The following KIFC3 variants were observed in gnomAD, a reference collection of about 807,000 sequenced individuals.
KIFC3 encodes kinesin-like protein KIFC3.
KIFC3 carries 60 observed loss-of-function variants against 101.8 expected under a neutral mutation model. That is an observed-to-expected ratio of 0.59 (90% CI 0.48 to 0.73). KIFC3 has a LOEUF of 0.73. KIFC3 is among the 30% of genes least tolerant of loss of function. The probability of loss-of-function intolerance (pLI) is 0.00; values close to 1 mark genes in which losing one functional copy is unlikely to be tolerated. For synonymous variants in KIFC3, 476 were observed against 482.7 expected, an observed-to-expected ratio of 0.99 and a Z score of 0.18; for missense variants, 966 against 1,137.1, an observed-to-expected ratio of 0.85 and a Z score of 2.16.
intron 1 of KIFC3, among the ~76,000 whole-genome samples, chr16:57,832,404 A>G (rs533208249): frequency 1.4e-5 from 2 of 142,156 alleles, no homozygotes; most frequent in Non-Finnish European, 3.0e-5. Flanking sequence ...GCTCACTGCA[A>G]TCTCTACCTC....
At chr16:57,841,493 C>G (rs572916323) in intron 1 of KIFC3, among the ~76,000 whole-genome samples, 1 of 152,232 alleles carries the variant, frequency 6.6e-6, no homozygotes, top group Non-Finnish European at 1.5e-5. Context: ...TGGTGAAACC[C>G]CATCTCCATT....
chr16:57,762,120 G>T lies in KIFC3; in HGVS notation c.1748+20C>A. The T allele has an allele frequency of 6.4e-7, 1 of 1,573,788 alleles. No homozygotes were observed. On this transcript the variant is annotated intron_variant, in intron 13 of 19. Transcript: ENST00000445690. ...CAAAGCTGCCCCTGAGGCCTGCTCC[G>T]CACACCCTGGGGCTCCCACCTGAGG...
chr16:57,848,140 G>A (rs1433939770), intron 1 of KIFC3, among the ~76,000 whole-genome samples: 1 of 152,208 alleles, frequency 6.6e-6, no homozygotes, highest in Non-Finnish European at 1.5e-5. Flanking sequence ...TAAATACTTT[G>A]TAAAGAAGCC....
chr16:57,773,511 G>GAGTGCACC (rs782251928), intron 3 of KIFC3, among the ~76,000 whole-genome samples: 8 of 152,078 alleles, frequency 5.3e-5, no homozygotes, highest in Non-Finnish European at 1.0e-4. Flanking sequence ...AAACTCAGCC[G>GAGTGCACC]AGTGCACCAG....
chr16:57,762,106 C>T, intron 13 of KIFC3, 34 bp downstream of exon 13: 1 of 1,554,568 alleles, frequency 6.4e-7, no homozygotes, highest in Non-Finnish European at 8.7e-7. Flanking sequence ...AAAGCTGCCC[C>T]TGAGGCCTGC....
In KIFC3 at chr16:57,767,861, A is replaced by C. The variant is rs556908911; in HGVS notation, c.1219-876T>G. On this transcript the variant is annotated intron_variant, in intron 9 of 19. Transcript: ENST00000445690. Reference sequence around the variant, plus strand: ...CTAGTTTTTTTATATTTTTTTGTAGAGATGGGGTCCCACTATGTTGCCGAA... The same window carrying C: ...CTAGTTTTTTTATATTTTTTTGTAGCGATGGGGTCCCACTATGTTGCCGAA... 1.6e-4 allele frequency among the ~76,000 whole-genome samples: 24 copies of C among 152,128 alleles called. No individual in the cohort carries two copies. The South Asian group carries it at 4.8e-3, about 30-fold the overall frequency.
At chr16:57,819,414 TG>T (rs782609761) in intron 1 of KIFC3, among the ~76,000 whole-genome samples, 9 of 152,138 alleles carry the variant, frequency 5.9e-5, no homozygotes, top group Non-Finnish European at 1.0e-4. Context: ...GTACATGACT[TG>T]GCGCAAGCAG....
intron 2 of KIFC3, among the ~76,000 whole-genome samples, chr16:57,796,236 G>A (rs899022505): frequency 4.6e-5 from 7 of 152,134 alleles, no homozygotes; most frequent in Non-Finnish European, 7.4e-5. Flanking sequence ...CAATAAAATG[G>A]GGACAACTTC....
chr16:57,772,491 C>A, intron 3 of KIFC3: 1 of 524,756 alleles, frequency 1.9e-6, no homozygotes, highest in Non-Finnish European at 3.5e-6. Flanking sequence ...CAGCCTCCCG[C>A]ACCCTCTCCC....
At chr16:57,822,333 A>AG (rs2055366033) in intron 1 of KIFC3, among the ~76,000 whole-genome samples, 1 of 152,342 alleles carries the variant, frequency 6.6e-6, no homozygotes, top group Non-Finnish European at 1.5e-5. Context: ...GGAACACAGT[A>AG]GCTGCTCAAT....
intron 17 of KIFC3, 53 bp downstream of exon 17, chr16:57,760,229 C>T (rs1555594710): frequency 6.3e-7 from 1 of 1,575,344 alleles, no homozygotes; most frequent in Non-Finnish European, 8.6e-7. Context: ...CTGCCATGAC[C>T]CAAAGTCTCT....
intron 2 of KIFC3, among the ~76,000 whole-genome samples, chr16:57,796,171 G>A (rs1463540777): frequency 2.6e-5 from 4 of 152,164 alleles, no homozygotes; most frequent in African/African-American, 9.7e-5. Context: ...AGGATTACAG[G>A]CGTGAGCCAC....
chr16:57,770,751 AC>A, intron 6 of KIFC3, 51 bp from the exon 7 acceptor site: 1 of 1,360,142 alleles, frequency 7.4e-7, no homozygotes, highest in Non-Finnish European at 9.6e-7. Flanking sequence ...ACCGTACCTC[AC>A]CCAAGAGCCT....
At chr16:57,828,349 A>G (rs1265944932) in intron 1 of KIFC3, among the ~76,000 whole-genome samples, 2 of 152,250 alleles carry the variant, frequency 1.3e-5, no homozygotes, top group Non-Finnish European at 2.9e-5. Context: ...GACTCGGCCC[A>G]AGGCTGTGCC....
At chr16:57,840,076 AC>A (rs2055772348) in intron 1 of KIFC3, among the ~76,000 whole-genome samples, 1 of 152,012 alleles carries the variant, frequency 6.6e-6, no homozygotes, top group Non-Finnish European at 1.5e-5. Flanking sequence ...GGTGGCTCAC[AC>A]CTATAATCCC....
chr16:57,798,154 C>CGGCTCG lies in KIFC3; in HGVS notation c.84_89dup (p.Glu29_Pro30dup). 6 of 1,546,082 alleles carry CGGCTCG rather than the reference C, an allele frequency of 3.9e-6. No individual in the cohort carries two copies. Among genetic ancestry groups the CGGCTCG allele is most frequent in the Non-Finnish European group, 5.2e-6 (6 of 1,145,858 alleles). On this transcript the variant is annotated inframe_insertion, in exon 2 of 20. Transcript: ENST00000445690. ...GGGCTGGGGCGGGGCGAGCCATCCC[C>CGGCTCG]GGCTCGGGCTCCGGGGCCCGGCCCA... is the stretch of plus-strand genomic sequence containing the variant.
In KIFC3 at chr16:57,761,398, C is replaced by G; in HGVS notation, c.1872+15G>C. The G allele has an allele frequency of 6.2e-7, 1 of 1,613,882 alleles. No individual in the cohort carries two copies. The highest frequency in any genetic ancestry group is 8.5e-7 in the Non-Finnish European group (1 of 1,179,866). On this transcript the variant is annotated intron_variant, in intron 14 of 19. Transcript: ENST00000445690. ...AGAGCAGTGTGGCTGTGGTCAGGGG[C>G]TCCCGCCTCCACACCTTGTTGATGT... is the stretch of plus-strand genomic sequence containing the variant.
At chr16:57,797,861 TCTC>T (rs2054463773) in intron 2 of KIFC3, 13 of 1,453,038 alleles carry the variant, frequency 8.9e-6, no homozygotes, top group East Asian at 2.5e-5. Context: ...GGCTTCCAGG[TCTC>T]CTCTTTTCCA....
intron 1 of KIFC3, among the ~76,000 whole-genome samples, chr16:57,830,220 CCTTTCTTTTTT>C (rs1311552117): frequency 6.7e-6 from 1 of 150,278 alleles, no homozygotes; most frequent in Non-Finnish European, 1.5e-5. Context: ...TGACTGTTTT[CCTTTCTTTTTT>C]CTTTCTTTTT....
Sources: allele counts gnomAD v4.1 joint callset (sites outside exome capture counted in the v4.1 genomes callset), GRCh38; gene constraint gnomAD v4.1.1; transcripts MANE v1.5; gene names NCBI Gene and HGNC (gene_info 2026-07-23, HGNC 2026-07-21).